The following LRRC4C variants were observed in gnomAD, a reference collection of about 807,000 sequenced individuals.
The protein encoded by LRRC4C is leucine-rich repeat-containing protein 4C.
Under a neutral mutation model 33.6 loss-of-function variants are expected in LRRC4C, and 5 were observed. The ratio of observed to expected loss-of-function variants is 0.15; its 90% CI spans 0.08 to 0.31. LRRC4C has a LOEUF of 0.31. Ranked by LOEUF, LRRC4C falls within the 10% of genes least tolerant of loss-of-function variation. LRRC4C has a pLI of 1.00. For synonymous variants in LRRC4C, 329 were observed against 302.0 expected, an observed-to-expected ratio of 1.09 and a Z score of -0.93; for missense variants, 560 against 796.7, an observed-to-expected ratio of 0.70 and a Z score of 3.58.
At chr11:40,554,736 CTTTTTT>C (rs34678892) in intron 3 of LRRC4C, among the ~76,000 whole-genome samples, 1 of 88,424 alleles carries the variant, frequency 1.1e-5, no homozygotes, top group Admixed American at 1.2e-4. Flanking sequence ...GGATTGCATT[CTTTTTT>C]TTTTTTTTTT....
intron 1 of LRRC4C, among the ~76,000 whole-genome samples, chr11:41,161,827 C>T (rs1944484829): frequency 6.6e-6 from 1 of 152,286 alleles, no homozygotes; most frequent in Middle Eastern, 3.4e-3. Flanking sequence ...AGTTGTCTAA[C>T]TCACTCAACC....
chr11:41,184,181 T>C (rs1204057817), intron 1 of LRRC4C, among the ~76,000 whole-genome samples: 2 of 152,086 alleles, frequency 1.3e-5, no homozygotes, highest in African/African-American at 4.8e-5. Context: ...CCCATTGTTT[T>C]GGGGATTAAC....
chr11:41,076,160 C>T (rs1356945724), intron 1 of LRRC4C, among the ~76,000 whole-genome samples: 2 of 152,096 alleles, frequency 1.3e-5, no homozygotes, highest in African/African-American at 4.8e-5. Context: ...TTATCCTGAA[C>T]CTATCTCCTG....
intron 1 of LRRC4C, among the ~76,000 whole-genome samples, chr11:41,122,179 T>C (rs1334088627): frequency 1.3e-5 from 2 of 152,192 alleles, no homozygotes; most frequent in Middle Eastern, 3.4e-3. Flanking sequence ...ATCAGGAAAA[T>C]ACTGCTGAAC....
intron 2 of LRRC4C, among the ~76,000 whole-genome samples, chr11:40,915,246 T>C (rs1338603893): frequency 2.6e-5 from 4 of 152,202 alleles, no homozygotes; most frequent in African/African-American, 9.6e-5. Context: ...AAGTCAATCC[T>C]GAGCCAAAAG....
intron 4 of LRRC4C, among the ~76,000 whole-genome samples, chr11:40,259,348 C>T (rs1221405537): frequency 1.3e-5 from 2 of 151,744 alleles, no homozygotes; most frequent in South Asian, 2.1e-4. Flanking sequence ...AAATTTTCTC[C>T]CATTTTGTAG....
At chr11:41,161,052 TAGA>T (rs1944449054) in intron 1 of LRRC4C, among the ~76,000 whole-genome samples, 1 of 152,168 alleles carries the variant, frequency 6.6e-6, no homozygotes, top group South Asian at 2.1e-4. Context: ...AGCAGTTCTG[TAGA>T]AGACTAATAA....
chr11:41,142,829 G>A (rs1298565969), intron 1 of LRRC4C, among the ~76,000 whole-genome samples: 1 of 152,116 alleles, frequency 6.6e-6, no homozygotes, highest in Non-Finnish European at 1.5e-5. Context: ...ATGGTGCAGA[G>A]CTACTATGGT....
At chr11:40,882,725 T>C (rs1310271264) in intron 2 of LRRC4C, among the ~76,000 whole-genome samples, 1 of 152,112 alleles carries the variant, frequency 6.6e-6, no homozygotes, top group Non-Finnish European at 1.5e-5. Flanking sequence ...CAGTACACTG[T>C]AATTATTTAC....
At chr11:41,337,609 T>C (rs1487579460) in intron 1 of LRRC4C, among the ~76,000 whole-genome samples, 1 of 152,082 alleles carries the variant, frequency 6.6e-6, no homozygotes, top group African/African-American at 2.4e-5. Flanking sequence ...GGCAATACCA[T>C]TCAGGACATA....
chr11:40,909,602 C>A (rs1298613835), intron 2 of LRRC4C, among the ~76,000 whole-genome samples: 1 of 152,070 alleles, frequency 6.6e-6, no homozygotes, highest in African/African-American at 2.4e-5. Flanking sequence ...ACCAGTCCTA[C>A]ACATCAATTT....
Position 41,110,689 on chromosome 11 carries a change from G to A in LRRC4C, c.-495-176966C>T, listed in dbSNP as rs566786121. ...CCAATTTCAAAGATATATTTTCATAGGGTTGAAGGTCAATATTTCATCTCT... is the reference window on the plus strand; with the variant it reads ...CCAATTTCAAAGATATATTTTCATAAGGTTGAAGGTCAATATTTCATCTCT... On this transcript the variant is annotated intron_variant, in intron 1 of 6. Transcript: ENST00000528697. Among the ~76,000 whole-genome samples the A allele has an allele frequency of 1.1e-3, 160 of 152,066 alleles. 1 individual carries two copies. The highest frequency in any genetic ancestry group is 3.8e-3 in the African/African-American group (156 of 41,516).
At chr11:40,737,654 A>C (rs542386752) in intron 2 of LRRC4C, among the ~76,000 whole-genome samples, 3 of 152,304 alleles carry the variant, frequency 2.0e-5, no homozygotes, top group Non-Finnish European at 2.9e-5. Context: ...CTAGGAATAC[A>C]ACTTACAAGG....
At chr11:40,756,918 G>A (rs1948980363) in intron 2 of LRRC4C, among the ~76,000 whole-genome samples, 4 of 151,658 alleles carry the variant, frequency 2.6e-5, no homozygotes, top group Admixed American at 2.6e-4. Context: ...TTTCCTTGAG[G>A]ATTTTGTCAT....
chr11:40,761,905 C>T (rs1023292479), intron 2 of LRRC4C, among the ~76,000 whole-genome samples: 2 of 152,020 alleles, frequency 1.3e-5, no homozygotes, highest in African/African-American at 4.8e-5. Context: ...TAGGAGAAGG[C>T]GCTCAGAGAC....
chr11:41,074,743 A>G (rs1193139435), intron 1 of LRRC4C, among the ~76,000 whole-genome samples: 2 of 152,152 alleles, frequency 1.3e-5, no homozygotes, highest in Non-Finnish European at 2.9e-5. Flanking sequence ...AAACTCTGCA[A>G]TTTAAGAGCC....
At position 40,393,264 on chromosome 11, in the gene LRRC4C, C is replaced by T. The variant is rs139119421; in HGVS notation, c.-269-73543G>A. Among the ~76,000 whole-genome samples, 549 of 152,134 alleles carry T rather than the reference C, an allele frequency of 3.6e-3. 1 individual carries two copies. The highest frequency in any genetic ancestry group is 0.014 in the South Asian group (69 of 4,820). ...GTTATGCCACCTTCCACATAATATC[C>T]TACGTACATGCTTGTCTTGAACTAA... is the stretch of plus-strand genomic sequence containing the variant. On this transcript the variant is annotated intron_variant, in intron 3 of 6. Coordinates refer to ENST00000528697, the MANE Select transcript of LRRC4C (RefSeq NM_001258419.2).
At chr11:40,938,502 T>C (rs1024030307) in intron 1 of LRRC4C, among the ~76,000 whole-genome samples, 4 of 152,178 alleles carry the variant, frequency 2.6e-5, no homozygotes, top group African/African-American at 7.2e-5. Context: ...GTCAATATTA[T>C]GGTAAATACA....
chr11:41,377,537 G>A (rs560799594), intron 1 of LRRC4C, among the ~76,000 whole-genome samples: 36 of 152,250 alleles, frequency 2.4e-4, no homozygotes, highest in Non-Finnish European at 4.7e-4. Context: ...GTAGATAAGC[G>A]TGTTGCTAAA....
Sources: gnomAD v4.1 joint callset for allele counts (sites outside exome capture counted in the v4.1 genomes callset) on GRCh38, gnomAD v4.1.1 for gene constraint, MANE v1.5 for transcripts, NCBI Gene and HGNC (gene_info 2026-07-23, HGNC 2026-07-21) for gene names.